The following CACNA1C variants were observed in gnomAD, a reference collection of about 807,000 sequenced individuals.
CACNA1C encodes the protein voltage-dependent L-type calcium channel subunit alpha-1C.
CACNA1C carries 30 observed loss-of-function variants against 229.0 expected under a neutral mutation model. The ratio of observed to expected loss-of-function variants is 0.13; its 90% confidence interval spans 0.10 to 0.18. CACNA1C has a LOEUF of 0.18. Ranked by LOEUF, CACNA1C falls within the 10% of genes least tolerant of loss-of-function variation. The probability of loss-of-function intolerance (pLI) is 1.00; values close to 1 mark genes in which losing one functional copy is unlikely to be tolerated. For missense variants in CACNA1C, 1,658 were observed against 2,845.0 expected (o/e 0.58, Z 9.49); for synonymous variants, 1,114 against 1,132.5 (o/e 0.98, Z 0.33).
chr12:2,195,274 C>A (rs560838671), intron 3 of CACNA1C, among the ~76,000 whole-genome samples: 1 of 152,262 alleles, frequency 6.6e-6, no homozygotes, highest in South Asian at 2.1e-4. Flanking sequence ...GAGGACCTCA[C>A]CACGCCCCTC....
intron 3 of CACNA1C, among the ~76,000 whole-genome samples, chr12:2,219,707 A>T (rs2060942756): frequency 6.6e-6 from 1 of 152,228 alleles, no homozygotes; most frequent in East Asian, 1.9e-4. Context: ...AATGACTATG[A>T]AAGTTTCTCT....
At chr12:2,071,431 G>C (rs1053982483) in intron 1 of CACNA1C, among the ~76,000 whole-genome samples, 1 of 151,652 alleles carries the variant, frequency 6.6e-6, no homozygotes, top group African/African-American at 2.4e-5. Flanking sequence ...CTATGTTGCC[G>C]AGGCTGATCT....
rs773364602 is a variant in CACNA1C, at chr12:2,285,928, C to T, written c.478-163048C>T. On this transcript the variant is annotated intron_variant, in intron 3 of 46. Transcript: ENST00000399655. The surrounding 1 kb of genome is among the most constrained non-coding windows in gnomAD (Gnocchi z 4.2). ...AACTGCACAGCTTTTCAGGCCATTT[C>T]GTTTAGGCGAGCCCTCATGTTATAG... Among the ~76,000 whole-genome samples the T allele has an allele frequency of 3.3e-5, 5 of 152,182 alleles. No individual in the cohort carries two copies. The highest frequency in any genetic ancestry group is 5.9e-5 in the Non-Finnish European group (4 of 68,032).
At chr12:2,278,874 C>T (rs2089992559) in intron 3 of CACNA1C, among the ~76,000 whole-genome samples, 1 of 152,182 alleles carries the variant, frequency 6.6e-6, no homozygotes, top group Non-Finnish European at 1.5e-5. Flanking sequence ...TTTGGTTCTT[C>T]TACATCCTCA....
At position 2,205,254 on chromosome 12, in the gene CACNA1C, G is replaced by A. The variant is rs2097721493; in HGVS notation, c.477+84824G>A. On this transcript the variant is annotated intron_variant, in intron 3 of 46. Transcript: ENST00000399655. ...ACACTGGGAAAGCCAGTGTGTGGAG[G>A]TGCAGCGTGACCTGAACCAGTCCTG... 2.0e-5 allele frequency among the ~76,000 whole-genome samples: 3 copies of A among 152,222 alleles called. 1 individual carries two copies. In the South Asian group the frequency reaches 6.2e-4, roughly 32 times the overall value.
chr12:2,572,320 C>T lies in CACNA1C; in HGVS notation c.1895+4526C>T, dbSNP rs111994724. On this transcript the variant is annotated intron_variant, in intron 13 of 46. Coordinates refer to ENST00000399655, the MANE Select transcript of CACNA1C (RefSeq NM_000719.7). ...TATTCCTCCTCCTCCTCCTCCTCCT[C>T]TTCCTCCTCCTTCTCTTCTTCCTCC... 6.8e-3 allele frequency among the ~76,000 whole-genome samples: 882 copies of T among 129,788 alleles called. 9 individuals are homozygous for T. The highest frequency in any genetic ancestry group is 0.024 in the African/African-American group (818 of 34,620). The allele number at this position is 129,788 out of a possible 152,430, so 85.1% of individuals were successfully genotyped here.
intron 3 of CACNA1C, among the ~76,000 whole-genome samples, chr12:2,227,593 C>G (rs2063403287): frequency 6.6e-6 from 1 of 152,198 alleles, no homozygotes; most frequent in East Asian, 1.9e-4. Flanking sequence ...TTTATCTGTT[C>G]AAGGTCATTG....
chr12:2,531,189 C>T (rs777502232), intron 9 of CACNA1C, among the ~76,000 whole-genome samples: 5 of 152,200 alleles, frequency 3.3e-5, no homozygotes, highest in Non-Finnish European at 2.9e-5. Context: ...GAGGCCAGTT[C>T]GCTAACAGGA....
intron 3 of CACNA1C, among the ~76,000 whole-genome samples, chr12:2,268,884 G>C (rs1406124543): frequency 6.6e-6 from 1 of 152,154 alleles, no homozygotes; most frequent in African/African-American, 2.4e-5. Flanking sequence ...TTCCCTTCCT[G>C]AAGTGGAATG....
chr12:2,183,887 G>C (rs1458836263), intron 3 of CACNA1C, among the ~76,000 whole-genome samples: 2 of 152,228 alleles, frequency 1.3e-5, no homozygotes, highest in South Asian at 4.1e-4. Context: ...AAAAGTCAGC[G>C]TGGAAAATGT....
intron 26 of CACNA1C, 58 bp downstream of exon 26, chr12:2,607,188 T>C (rs1190515423): frequency 6.5e-7 from 1 of 1,533,036 alleles, no homozygotes. Flanking sequence ...GTACTGACTT[T>C]CCAGCCCATC....
chr12:2,245,782 T>G (rs1281301587), intron 3 of CACNA1C, among the ~76,000 whole-genome samples: 1 of 152,194 alleles, frequency 6.6e-6, no homozygotes, highest in Non-Finnish European at 1.5e-5. Flanking sequence ...TTTAACCTGC[T>G]TAGAGTGAAT....
At chr12:2,577,716 C>A (rs545793822) in intron 13 of CACNA1C, among the ~76,000 whole-genome samples, 46 of 152,342 alleles carry the variant, frequency 3.0e-4, no homozygotes, top group African/African-American at 1.0e-3. Flanking sequence ...TAGTAAGGTT[C>A]ATTCATTCAC....
intron 29 of CACNA1C, among the ~76,000 whole-genome samples, chr12:2,616,906 C>T (rs1228911568): frequency 1.3e-5 from 2 of 152,234 alleles, no homozygotes; most frequent in Admixed American, 6.5e-5. Flanking sequence ...CTGCTGGGCC[C>T]GACAGGCCTT....
intron 15 of CACNA1C, 84 bp downstream of exon 15, chr12:2,583,026 C>A: frequency 6.0e-6 from 6 of 994,022 alleles, no homozygotes; most frequent in South Asian, 5.8e-5. Context: ...CCCCTCAGGT[C>A]CGGGCGGTCC....
At chr12:2,252,771 C>T (rs1182248453) in intron 3 of CACNA1C, among the ~76,000 whole-genome samples, 1 of 152,074 alleles carries the variant, frequency 6.6e-6, no homozygotes, top group Non-Finnish European at 1.5e-5. Flanking sequence ...TTTCTAAGCT[C>T]TTACTCTTCC....
chr12:2,455,975 A>G (rs2099415381), intron 4 of CACNA1C, among the ~76,000 whole-genome samples: 1 of 152,142 alleles, frequency 6.6e-6, no homozygotes, highest in Admixed American at 6.5e-5. Context: ...TATGAACTAT[A>G]CAACTGCTGC....
Position 1,971,534 on chromosome 12 carries a change from T to C in CACNA1C, c.139+333T>C, listed in dbSNP as rs530541048. 3.3e-5 allele frequency among the ~76,000 whole-genome samples: 5 copies of C among 152,366 alleles called. No homozygotes were observed. Among genetic ancestry groups the C allele is most frequent in the African/African-American group, 1.2e-4 (5 of 41,594 alleles). ...TCAAAATTTCCATATAGACTTCATG[T>C]CTGGATTTTTTAGGTCCACAAAGAC... On this transcript the variant is annotated intron_variant, in intron 1 of 46. Transcript: ENST00000682462. This position sits in a 1 kb window ranked among gnomAD's most constrained non-coding sequence, Gnocchi z 4.2.
chr12:2,188,214 TC>T (rs1341093675), intron 3 of CACNA1C, among the ~76,000 whole-genome samples: 8 of 152,182 alleles, frequency 5.3e-5, no homozygotes, highest in Non-Finnish European at 1.2e-4. Context: ...ATATCAAACA[TC>T]TGAAAATGCA....
Sources: gnomAD v4.1 joint callset for allele counts (sites outside exome capture counted in the v4.1 genomes callset) on GRCh38, gnomAD v4.1.1 for gene constraint, Gnocchi (gnomAD v3.1) non-coding constraint, MANE v1.5 for transcripts, NCBI Gene and HGNC (gene_info 2026-07-23, HGNC 2026-07-21) for gene names.